Variants in PDE1C observed in about 807,000 individuals in gnomAD.
PDE1C encodes dual specificity calcium/calmodulin-dependent 3',5'-cyclic nucleotide phosphodiesterase 1C.
Under a neutral mutation model 93.1 loss-of-function variants are expected in PDE1C, and 62 were observed. That is an observed-to-expected ratio of 0.67 (90% CI 0.54 to 0.82). The LOEUF (loss-of-function observed/expected upper bound fraction) is 0.82, where lower values mean the gene tolerates loss of function less well. PDE1C is among the 40% of genes least tolerant of loss of function. The pLI, the probability that PDE1C is intolerant of heterozygous loss-of-function variation, is 0.00. For missense variants in PDE1C, 742 were observed against 884.6 expected (o/e 0.84, Z 2.04); for synonymous variants, 325 against 310.1 (o/e 1.05, Z -0.50).
chr7:31,625,385 A>T, the PDE1C span, among the ~76,000 whole-genome samples: 1 of 152,072 alleles, frequency 6.6e-6, no homozygotes, highest in Non-Finnish European at 1.5e-5. Context: ...ATGTCCAACA[A>T]TGATAGACTG....
intron 3 of PDE1C, among the ~76,000 whole-genome samples, chr7:32,122,577 A>T (rs1441150132): frequency 6.6e-6 from 1 of 152,210 alleles, no homozygotes; most frequent in African/African-American, 2.4e-5. Flanking sequence ...AAACCACACA[A>T]TTACATGGAA....
chr7:31,686,889 C>A, the PDE1C span: 28 of 152,170 alleles, frequency 1.8e-4, no homozygotes, highest in African/African-American at 6.8e-4. Flanking sequence ...TCGAAATTAG[C>A]TGTGGCCTCT....
At chr7:31,773,255 C>A (rs1025297109) in intron 17 of PDE1C, among the ~76,000 whole-genome samples, 3 of 152,110 alleles carry the variant, frequency 2.0e-5, no homozygotes, top group Non-Finnish European at 4.4e-5. Flanking sequence ...TTTGGAGATG[C>A]TCAGAATGCA....
At chr7:31,837,059 C>T (rs1172330010) in intron 11 of PDE1C, 121 bp downstream of exon 11, 3 of 882,936 alleles carry the variant, frequency 3.4e-6, no homozygotes, top group Non-Finnish European at 1.7e-6. Context: ...ATCTGTGGAG[C>T]CCCCCTCCCC....
At chr7:32,194,522 G>A (rs758764375) in intron 2 of PDE1C, among the ~76,000 whole-genome samples, 8 of 152,094 alleles carry the variant, frequency 5.3e-5, no homozygotes, top group Non-Finnish European at 1.0e-4. Context: ...TTCCTTGTAG[G>A]CTGACCCTTT....
the PDE1C span, chr7:31,708,173 G>C: frequency 3.9e-5 from 6 of 152,204 alleles, no homozygotes; most frequent in Non-Finnish European, 5.9e-5. Flanking sequence ...TGTGGTGTTA[G>C]CTAGTGAGCA....
chr7:32,000,699 T>C (rs111369313), intron 2 of PDE1C, among the ~76,000 whole-genome samples: 2 of 152,116 alleles, frequency 1.3e-5, no homozygotes, highest in Non-Finnish European at 2.9e-5. Context: ...GGACTCTTCA[T>C]ATCCCCAGCC....
chr7:32,044,598 C>A (rs1792272781), intron 2 of PDE1C, among the ~76,000 whole-genome samples: 1 of 151,918 alleles, frequency 6.6e-6, no homozygotes, highest in Admixed American at 6.6e-5. Flanking sequence ...AAGAGGCCAC[C>A]CAATACTCTA....
chr7:32,059,959 C>T (rs962747339), intron 1 of PDE1C, among the ~76,000 whole-genome samples: 2 of 152,152 alleles, frequency 1.3e-5, no homozygotes, highest in Middle Eastern at 3.2e-3. Flanking sequence ...GCAATTTTTA[C>T]GACCTTCTTC....
At chr7:31,721,804 G>C in the PDE1C span, among the ~76,000 whole-genome samples, 1 of 152,194 alleles carries the variant, frequency 6.6e-6, no homozygotes, top group Admixed American at 6.5e-5. Flanking sequence ...CACTTTTGTG[G>C]TTGCACAAAG....
intron 16 of PDE1C, chr7:31,789,803 C>A: frequency 1.0e-6 from 1 of 992,002 alleles, no homozygotes; most frequent in Non-Finnish European, 1.2e-6. Context: ...AAAATGACAA[C>A]ATTTAAAGTA....
At chr7:32,039,448 G>A (rs1018429974) in intron 2 of PDE1C, among the ~76,000 whole-genome samples, 1 of 152,104 alleles carries the variant, frequency 6.6e-6, no homozygotes, top group African/African-American at 2.4e-5. Context: ...ATCTAATGGT[G>A]GAACACATCT....
intron 16 of PDE1C, among the ~76,000 whole-genome samples, chr7:31,782,879 G>A (rs900662759): frequency 1.3e-5 from 2 of 152,202 alleles, no homozygotes; most frequent in African/African-American, 2.4e-5. Flanking sequence ...TGTGTTAGGC[G>A]ATTTTGCCCA....
intron 2 of PDE1C, among the ~76,000 whole-genome samples, chr7:31,890,127 G>T (rs1412217309): frequency 6.6e-6 from 1 of 152,064 alleles, no homozygotes; most frequent in Non-Finnish European, 1.5e-5. Flanking sequence ...TCTGGGTGAA[G>T]AAATAAAAAA....
At chr7:32,401,049 G>A (rs1396450090) in intron 1 of PDE1C, among the ~76,000 whole-genome samples, 1 of 152,176 alleles carries the variant, frequency 6.6e-6, no homozygotes, top group Non-Finnish European at 1.5e-5. Context: ...CTTTGTTAAA[G>A]GTCATGGTCA....
At chr7:32,249,304 G>T (rs1329112791) in intron 1 of PDE1C, among the ~76,000 whole-genome samples, 3 of 151,868 alleles carry the variant, frequency 2.0e-5, no homozygotes, top group Admixed American at 2.0e-4. Context: ...ATGTCTGGGA[G>T]AACTACTTGG....
chr7:32,323,887 T>G (rs1783349906), intron 1 of PDE1C, among the ~76,000 whole-genome samples: 1 of 152,168 alleles, frequency 6.6e-6, no homozygotes, highest in South Asian at 2.1e-4. Context: ...TGTGCTGAAC[T>G]CTAATACAAC....
At chr7:32,085,836 T>TG (rs1797034659) in intron 3 of PDE1C, among the ~76,000 whole-genome samples, 1 of 149,084 alleles carries the variant, frequency 6.7e-6, no homozygotes, top group African/African-American at 2.5e-5. Flanking sequence ...ATAAATTAGG[T>TG]ATTGATGGGA....
chr7:31,734,740 G>A, the PDE1C span, among the ~76,000 whole-genome samples: 1 of 152,048 alleles, frequency 6.6e-6, no homozygotes, highest in Non-Finnish European at 1.5e-5. Context: ...AGGCCCCGGG[G>A]CACATATGTC....
Sources: allele counts gnomAD v4.1 joint callset (sites outside exome capture counted in the v4.1 genomes callset), GRCh38; gene constraint gnomAD v4.1.1; transcripts MANE v1.5; gene names NCBI Gene and HGNC (gene_info 2026-07-23, HGNC 2026-07-21).